Variants in NWD2 observed in about 807,000 individuals in gnomAD.
NWD2 encodes NACHT and WD repeat domain containing 2.
A neutral mutation model predicts 132.7 loss-of-function variants in NWD2; 37 were observed. That is an observed-to-expected ratio of 0.28 (90% CI 0.21 to 0.37). The LOEUF is 0.37. Among genes scored for constraint, NWD2 ranks in the 10% least tolerant of loss-of-function variants. The pLI, the probability that NWD2 is intolerant of heterozygous loss-of-function variation, is 1.00. For synonymous variants in NWD2, 705 were observed against 803.0 expected (o/e 0.88, Z 2.06); for missense variants, 1,592 against 2,122.4 (o/e 0.75, Z 4.91).
intron 1 of NWD2, among the ~76,000 whole-genome samples, chr4:37,311,007 C>A (rs1423967733): frequency 6.6e-6 from 1 of 151,896 alleles, no homozygotes; most frequent in African/African-American, 2.4e-5. Flanking sequence ...TGTATATGTG[C>A]CACATTTTCT....
intron 3 of NWD2, among the ~76,000 whole-genome samples, chr4:37,393,812 AG>A (rs965232521): frequency 1.3e-5 from 2 of 152,198 alleles, no homozygotes; most frequent in African/African-American, 4.8e-5. Context: ...CTGCTTCTTA[AG>A]GCTCAGCTCC....
At chr4:37,303,737 T>TTTAGTAGC (rs1474247794) in intron 1 of NWD2, among the ~76,000 whole-genome samples, 1 of 152,206 alleles carries the variant, frequency 6.6e-6, no homozygotes. Context: ...AGCTAGTTCG[T>TTTAGTAGC]TTTGGTGTAT....
At chr4:37,354,205 T>C (rs1209974618) in intron 2 of NWD2, among the ~76,000 whole-genome samples, 1 of 152,186 alleles carries the variant, frequency 6.6e-6, no homozygotes, top group Non-Finnish European at 1.5e-5. Context: ...TGCCTGTTCC[T>C]TCCTCTGGAA....
At chr4:37,312,965 C>G (rs1350973656) in intron 1 of NWD2, among the ~76,000 whole-genome samples, 1 of 151,010 alleles carries the variant, frequency 6.6e-6, no homozygotes, top group Non-Finnish European at 1.5e-5. Flanking sequence ...GCCTTGCATC[C>G]CAGGGATGAA....
intron 1 of NWD2, among the ~76,000 whole-genome samples, chr4:37,281,546 C>T (rs548504155): frequency 2.4e-4 from 37 of 152,176 alleles, no homozygotes; most frequent in Non-Finnish European, 4.7e-4. Flanking sequence ...TGGGACCCAT[C>T]TCTCCGCTTA....
rs935779719 is a variant in NWD2, at chr4:37,291,197, C to A, written c.152-34739C>A. On this transcript the variant is annotated intron_variant, in intron 1 of 6. Transcript: ENST00000309447. ...ATGTAGCCAACTTCTTACCTTTGTA[C>A]CTCTTTGATTTTCTTGCGTTATTTA... Among the ~76,000 whole-genome samples, 4 of 152,140 alleles carry A rather than the reference C, an allele frequency of 2.6e-5. No individual in the cohort carries two copies. The East Asian group carries it at 7.7e-4, about 29-fold the overall frequency.
chr4:37,441,269 CT>C (rs1218976471), intron 6 of NWD2, among the ~76,000 whole-genome samples: 1 of 152,160 alleles, frequency 6.6e-6, no homozygotes, highest in African/African-American at 2.4e-5. Flanking sequence ...GTTTATGTGC[CT>C]TTGAACAGGA....
At chr4:37,423,059 C>G (rs1036786655) in intron 3 of NWD2, among the ~76,000 whole-genome samples, 1 of 151,732 alleles carries the variant, frequency 6.6e-6, no homozygotes, top group Non-Finnish European at 1.5e-5. Flanking sequence ...TCATGGATAT[C>G]TGGATAATTG....
chr4:37,289,221 T>G (rs1405703720), intron 1 of NWD2, among the ~76,000 whole-genome samples: 1 of 152,166 alleles, frequency 6.6e-6, no homozygotes, highest in African/African-American at 2.4e-5. Flanking sequence ...AGTATTCAAA[T>G]TTTACTACCC....
rs1387926058 is a variant in NWD2, at chr4:37,356,461, T to A, written c.336T>A (p.Thr112=). 1 of 1,550,212 alleles carries A rather than the reference T, an allele frequency of 6.5e-7. No individual in the cohort carries two copies. Among genetic ancestry groups the A allele is most frequent in the Non-Finnish European group, 8.7e-7 (1 of 1,145,716 alleles). ...AGCTGCTGGAGAATTGCTTGAAAAC[T>A]TCTGCAGGTCCATGTTTTGTTGTGG... ...RMKLLENCLK[T]SAGPCFVGLL... Residue 112 remains threonine (T), a synonymous_variant, in exon 3 of 7, where the codon ACT becomes ACA. Transcript: ENST00000309447.
At chr4:37,418,159 T>A (rs1193624116) in intron 3 of NWD2, among the ~76,000 whole-genome samples, 1 of 151,860 alleles carries the variant, frequency 6.6e-6, no homozygotes, top group Non-Finnish European at 1.5e-5. Context: ...TAAAAAAGGA[T>A]GGAAGGGTGG....
intron 1 of NWD2, among the ~76,000 whole-genome samples, chr4:37,306,607 A>G (rs1235166638): frequency 1.3e-5 from 2 of 152,028 alleles, no homozygotes; most frequent in South Asian, 2.1e-4. Context: ...TACAATTTCC[A>G]GTTTCTCTTG....
At chr4:37,436,292 A>G (rs921480992) in intron 5 of NWD2, among the ~76,000 whole-genome samples, 3 of 152,190 alleles carry the variant, frequency 2.0e-5, no homozygotes, top group Non-Finnish European at 2.9e-5. Context: ...AAAATTTATA[A>G]TATTTATAGA....
chr4:37,353,449 G>A (rs1719810298), intron 2 of NWD2, among the ~76,000 whole-genome samples: 1 of 152,084 alleles, frequency 6.6e-6, no homozygotes, highest in African/African-American at 2.4e-5. Context: ...TTCCAACTTG[G>A]TTCTATTCTC....
intron 1 of NWD2, 23 bp from the exon 2 acceptor site, chr4:37,325,913 G>A (rs769801939): frequency 7.0e-7 from 1 of 1,434,382 alleles, no homozygotes; most frequent in East Asian, 2.5e-5. Flanking sequence ...CTCACTTCCT[G>A]TGTGTTTGTC....
intron 3 of NWD2, among the ~76,000 whole-genome samples, chr4:37,382,447 C>G (rs1282653619): frequency 6.6e-6 from 1 of 152,166 alleles, no homozygotes; most frequent in Non-Finnish European, 1.5e-5. Context: ...TCTTCCATCA[C>G]AAGACATGAC....
intron 3 of NWD2, among the ~76,000 whole-genome samples, chr4:37,394,818 T>TTG (rs1720753438): frequency 7.7e-6 from 1 of 129,310 alleles, no homozygotes; most frequent in Non-Finnish European, 1.6e-5. Flanking sequence ...TTTTTTTTTT[T>TTG]TTTTTTTTTT....
At chr4:37,379,614 G>A (rs1720413816) in intron 3 of NWD2, among the ~76,000 whole-genome samples, 1 of 152,254 alleles carries the variant, frequency 6.6e-6, no homozygotes, top group African/African-American at 2.4e-5. Context: ...TTGTGGAGCA[G>A]AACTAACCCA....
Position 37,443,331 on chromosome 4 carries a change from T to C in NWD2, c.1343T>C (p.Val448Ala). 1 of 1,551,758 alleles carries C rather than the reference T, an allele frequency of 6.4e-7. No homozygotes were observed. Among genetic ancestry groups the C allele is most frequent in the Non-Finnish European group, 8.7e-7 (1 of 1,146,998 alleles). ...HEDTGPESDP[V>A]VIVRFLGTTD... ...GACACAGGACCAGAATCTGACCCAGTAGTCATCGTGAGATTTCTAGGAACG... is the reference window on the plus strand; with the variant it reads ...GACACAGGACCAGAATCTGACCCAGCAGTCATCGTGAGATTTCTAGGAACG... The change falls in exon 7 of 7, where the codon GTA (valine) becomes GCA (alanine). Residue 448 changes from valine (V) to alanine (A), a missense_variant. Transcript: ENST00000309447. The surrounding 1 kb of genome is among the most constrained non-coding windows in gnomAD (Gnocchi z 4.1).
Sources: gnomAD v4.1 joint callset for allele counts (sites outside exome capture counted in the v4.1 genomes callset) on GRCh38, gnomAD v4.1.1 for gene constraint, Gnocchi (gnomAD v3.1) non-coding constraint, MANE v1.5 for transcripts, NCBI Gene and HGNC (gene_info 2026-07-23, HGNC 2026-07-21) for gene names.